The following RBFOX1 variants were observed in gnomAD, a reference collection of about 807,000 sequenced individuals.
RBFOX1 encodes the protein RNA binding fox-1 homolog 1.
A neutral mutation model predicts 57.7 loss-of-function variants in RBFOX1; 8 were observed. The observed-to-expected ratio is 0.14, with a 90% CI of 0.08 to 0.25. The LOEUF is 0.25. RBFOX1 is among the 10% of genes least tolerant of loss of function. The pLI is 1.00. For synonymous variants in RBFOX1, 326 were observed against 222.4 expected (o/e 1.47, Z -4.15); for missense variants, 611 against 548.5 (o/e 1.11, Z -1.14).
At chr16:6,995,422 G>T (rs1167275189) in intron 3 of RBFOX1, among the ~76,000 whole-genome samples, 2 of 151,726 alleles carry the variant, frequency 1.3e-5, no homozygotes, top group East Asian at 3.9e-4. Flanking sequence ...AGACCTATGG[G>T]GTGTTTTAAA....
intron 1 of RBFOX1, among the ~76,000 whole-genome samples, chr16:6,052,634 A>G (rs2095564752): frequency 6.6e-6 from 1 of 151,812 alleles, no homozygotes; most frequent in African/African-American, 2.4e-5. Context: ...AATACAAAAA[A>G]TTAGACTGGC....
At chr16:6,580,340 T>C (rs2097519352) in intron 2 of RBFOX1, among the ~76,000 whole-genome samples, 2 of 152,194 alleles carry the variant, frequency 1.3e-5, no homozygotes, top group African/African-American at 4.8e-5. Context: ...TGATAACTAT[T>C]TCCAGGTAAG....
chr16:5,565,598 C>T (rs1315533441), intron 2 of RBFOX1, among the ~76,000 whole-genome samples: 3 of 151,490 alleles, frequency 2.0e-5, no homozygotes, highest in African/African-American at 7.3e-5. Context: ...GTACTCCAGC[C>T]TGGGCAATAA....
intron 3 of RBFOX1, among the ~76,000 whole-genome samples, chr16:6,778,975 G>C (rs1227645161): frequency 1.3e-5 from 2 of 151,812 alleles, no homozygotes; most frequent in East Asian, 1.9e-4. Flanking sequence ...AATTGAAGTA[G>C]CCTAACTTTA....
At chr16:7,124,043 T>C (rs2067819865) in intron 4 of RBFOX1, among the ~76,000 whole-genome samples, 1 of 152,216 alleles carries the variant, frequency 6.6e-6, no homozygotes, top group Admixed American at 6.5e-5. Flanking sequence ...AGGTTATGTA[T>C]ATTTAGAAAT....
At chr16:5,375,940 C>G (rs58378398) in intron 1 of RBFOX1, among the ~76,000 whole-genome samples, 35,987 of 151,894 alleles carry the variant, frequency 0.24, 4,399 homozygotes, top group Middle Eastern at 0.29. Context: ...GCTGAGGTGG[C>G]TGGATCATTT....
At chr16:5,808,969 G>A (rs972667733) in intron 3 of RBFOX1, among the ~76,000 whole-genome samples, 4 of 152,144 alleles carry the variant, frequency 2.6e-5, no homozygotes, top group African/African-American at 9.7e-5. Context: ...GAATAGGAGT[G>A]GTGAGAGAGG....
rs186787438 is a variant in RBFOX1 at position 7,163,760 on chromosome 16, G to A, written c.27+111662G>A. Among the ~76,000 whole-genome samples, 519 of 152,108 alleles carry A rather than the reference G, an allele frequency of 3.4e-3. 4 individuals carry two copies. The highest frequency in any genetic ancestry group is 7.1e-3 in the South Asian group (34 of 4,816). On this transcript the variant is annotated intron_variant, in intron 4 of 15. Transcript: ENST00000550418. Reference sequence around the variant, plus strand: ...CAACCTCTGCCTCGTGGGTTCAAGCGAATCTCCCACCTCAGTCTTTCAAGT... The same window carrying A: ...CAACCTCTGCCTCGTGGGTTCAAGCAAATCTCCCACCTCAGTCTTTCAAGT...
intron 4 of RBFOX1, among the ~76,000 whole-genome samples, chr16:7,286,823 T>A (rs1321614760): frequency 6.6e-6 from 1 of 151,762 alleles, no homozygotes; most frequent in African/African-American, 2.4e-5. Flanking sequence ...GAGACAGGGT[T>A]TAGCCATGTT....
chr16:5,823,299 G>A lies in RBFOX1; in HGVS notation c.319-44004G>A, dbSNP rs139434610. On this transcript the variant is annotated intron_variant, in intron 3 of 19. Coordinates refer to the RBFOX1 transcript ENST00000641259. ...GGAAGTGAGATTAGAGGTTGAGTATGTGAACAGATAAATAACTGAATACCA... is the reference window on the plus strand; with the variant it reads ...GGAAGTGAGATTAGAGGTTGAGTATATGAACAGATAAATAACTGAATACCA... Among the ~76,000 whole-genome samples, 31 of 152,300 alleles carry A rather than the reference G, an allele frequency of 2.0e-4. No individual in the cohort carries two copies. In the East Asian group the frequency reaches 4.6e-3, roughly 23 times the overall value.
chr16:5,756,528 G>A (rs1051233802), intron 3 of RBFOX1, among the ~76,000 whole-genome samples: 2 of 152,034 alleles, frequency 1.3e-5, no homozygotes, highest in African/African-American at 2.4e-5. Context: ...TCACATCCAG[G>A]GGCCAATAAT....
At chr16:6,391,312 A>G (rs1311029927) in intron 2 of RBFOX1, among the ~76,000 whole-genome samples, 2 of 152,246 alleles carry the variant, frequency 1.3e-5, no homozygotes, top group Non-Finnish European at 2.9e-5. Context: ...GATCCAGACC[A>G]TCCTGGCTAA....
chr16:6,207,426 G>C (rs964706138), intron 1 of RBFOX1, among the ~76,000 whole-genome samples: 3 of 152,128 alleles, frequency 2.0e-5, no homozygotes, highest in Admixed American at 6.6e-5. Flanking sequence ...GAGGCAATCC[G>C]TTTGACAGAG....
intron 1 of RBFOX1, among the ~76,000 whole-genome samples, chr16:5,273,380 T>C (rs1179967525): frequency 6.6e-6 from 1 of 152,132 alleles, no homozygotes; most frequent in African/African-American, 2.4e-5. Context: ...GGAGATAATA[T>C]AATGATGAAC....
intron 3 of RBFOX1, among the ~76,000 whole-genome samples, chr16:7,014,994 A>G (rs2093837466): frequency 6.6e-6 from 1 of 152,134 alleles, no homozygotes; most frequent in Admixed American, 6.6e-5. Flanking sequence ...AAAGGGCTGG[A>G]ATTACAGGTG....
chr16:6,721,767 G>A (rs1164064566), intron 3 of RBFOX1: 1 of 151,854 alleles, frequency 6.6e-6, no homozygotes, highest in Admixed American at 6.6e-5. Flanking sequence ...TTTGACCCAG[G>A]CACTGGCCCT....
chr16:7,329,394 A>G (rs2096654761), intron 4 of RBFOX1, among the ~76,000 whole-genome samples: 2 of 152,196 alleles, frequency 1.3e-5, no homozygotes, highest in South Asian at 2.1e-4. Context: ...GACATTTGCC[A>G]TGAACCATGT....
intron 2 of RBFOX1, among the ~76,000 whole-genome samples, chr16:5,489,693 G>T (rs1597274092): frequency 6.6e-6 from 1 of 152,204 alleles, no homozygotes; most frequent in Non-Finnish European, 1.5e-5. Flanking sequence ...CCCAGTGCTT[G>T]ACGTGATGAC....
intron 4 of RBFOX1, among the ~76,000 whole-genome samples, chr16:5,948,076 C>T (rs1231439098): frequency 6.6e-6 from 1 of 152,040 alleles, no homozygotes; most frequent in Non-Finnish European, 1.5e-5. Flanking sequence ...GGGTGGTGGG[C>T]ATGTGGGCAT....
Sources: gnomAD v4.1 joint callset for allele counts (sites outside exome capture counted in the v4.1 genomes callset) on GRCh38, gnomAD v4.1.1 for gene constraint, MANE v1.5 for transcripts, NCBI Gene and HGNC (gene_info 2026-07-23, HGNC 2026-07-21) for gene names.